ROBO2: variants seen among roughly 807,000 people sequenced by gnomAD.
ROBO2 encodes the protein roundabout homolog 2.
Under a neutral mutation model 160.8 loss-of-function variants are expected in ROBO2, and 53 were observed. The ratio of observed to expected loss-of-function variants is 0.33; its 90% CI spans 0.26 to 0.41. ROBO2 has a LOEUF of 0.41. Among genes scored for constraint, ROBO2 ranks in the 10% least tolerant of loss-of-function variants. The probability of loss-of-function intolerance (pLI) is 1.00; values close to 1 mark genes in which losing one functional copy is unlikely to be tolerated. For synonymous variants in ROBO2, 664 were observed against 611.7 expected, an observed-to-expected ratio of 1.09 and a Z score of -1.26; for missense variants, 1,577 against 1,722.4, an observed-to-expected ratio of 0.92 and a Z score of 1.49.
In ROBO2 at chr3:77,137,639, T is replaced by G. The variant is rs184098072; in HGVS notation, c.388+39299T>G. On this transcript the variant is annotated intron_variant, in intron 2 of 25. Transcript: ENST00000461745. The stretch of plus-strand genomic sequence containing the variant: ...AAAAGTTGTTAAAACTCTGGCTGTA[T>G]CCCCACTGATTTCGAGGGACATCCT... Among the ~76,000 whole-genome samples, 589 of 152,328 alleles carry G rather than the reference T, an allele frequency of 3.9e-3. 1 individual carries two copies. Among genetic ancestry groups the G allele is most frequent in the Non-Finnish European group, 5.7e-3 (385 of 68,028 alleles).
chr3:77,506,922 T>C (rs2088620781), intron 5 of ROBO2, among the ~76,000 whole-genome samples: 2 of 152,156 alleles, frequency 1.3e-5, no homozygotes, highest in Non-Finnish European at 2.9e-5. Context: ...TGGTTTGATA[T>C]AGGCATGTCA....
At chr3:76,123,004 C>A (rs2070816520) in intron 2 of ROBO2, among the ~76,000 whole-genome samples, 1 of 152,108 alleles carries the variant, frequency 6.6e-6, no homozygotes, top group South Asian at 2.1e-4. Flanking sequence ...ACCTCGGCCT[C>A]CCAAAGTGTT....
chr3:76,093,847 A>T (rs1278496870), intron 2 of ROBO2, among the ~76,000 whole-genome samples: 1 of 152,192 alleles, frequency 6.6e-6, no homozygotes, highest in Admixed American at 6.6e-5. Context: ...CTTCTGTGTT[A>T]TCAACTTTTA....
chr3:76,552,199 A>T (rs1397963991), intron 2 of ROBO2, among the ~76,000 whole-genome samples: 1 of 152,240 alleles, frequency 6.6e-6, no homozygotes, highest in Non-Finnish European at 1.5e-5. Flanking sequence ...ATACAGGAGG[A>T]TACACATAGG....
At chr3:76,880,181 A>C (rs943652304) in intron 2 of ROBO2, among the ~76,000 whole-genome samples, 1 of 152,084 alleles carries the variant, frequency 6.6e-6, no homozygotes. Context: ...TTCCCGGTTT[A>C]TCATTTTTCC....
At chr3:76,844,090 C>G (rs889974901) in intron 2 of ROBO2, among the ~76,000 whole-genome samples, 1 of 151,912 alleles carries the variant, frequency 6.6e-6, no homozygotes, top group Non-Finnish European at 1.5e-5. Context: ...TGCTAAGGGA[C>G]GTTGGCATCT....
At chr3:76,119,877 C>T (rs1313538136) in intron 2 of ROBO2, among the ~76,000 whole-genome samples, 2 of 141,496 alleles carry the variant, frequency 1.4e-5, no homozygotes, top group Non-Finnish European at 3.0e-5. Flanking sequence ...CCCTTCCTTC[C>T]CTTCCTTCCC....
intron 2 of ROBO2, among the ~76,000 whole-genome samples, chr3:76,704,380 A>G (rs1305310149): frequency 1.3e-4 from 20 of 152,018 alleles, no homozygotes; most frequent in Non-Finnish European, 2.6e-4. Flanking sequence ...TTGTTGATCA[A>G]TTTCTTCTAT....
chr3:77,301,881 T>C, intron 2 of ROBO2, among the ~76,000 whole-genome samples: 1 of 133,760 alleles, frequency 7.5e-6, no homozygotes, highest in East Asian at 2.0e-4. Flanking sequence ...TTCAATTTCC[T>C]TTTTTTTTTT....
At chr3:77,622,645 C>A (rs923149301) in intron 23 of ROBO2, among the ~76,000 whole-genome samples, 6 of 152,100 alleles carry the variant, frequency 3.9e-5, no homozygotes, top group Admixed American at 3.9e-4. Flanking sequence ...TTTTAAAAAG[C>A]TTTAAAGACA....
rs545359188 is a variant in ROBO2, at chr3:77,311,534, G to A, written c.389-165880G>A. Among the ~76,000 whole-genome samples, 3 of 152,258 alleles carry A rather than the reference G, an allele frequency of 2.0e-5. No individual in the cohort carries two copies. In the South Asian group the frequency reaches 6.2e-4, roughly 32 times the overall value. On this transcript the variant is annotated intron_variant, in intron 2 of 25. Transcript: ENST00000461745. ...AGAATGTAATTGCTGAAAATGTTTT[G>A]AAACCACTGGGTCAGTGATTAAGAA... is the stretch of plus-strand genomic sequence containing the variant.
intron 1 of ROBO2, among the ~76,000 whole-genome samples, chr3:77,046,436 G>C (rs189936826): frequency 1.3e-5 from 2 of 152,116 alleles, no homozygotes; most frequent in Non-Finnish European, 2.9e-5. Flanking sequence ...AGTTGAACTT[G>C]TCACTTTTAG....
intron 2 of ROBO2, among the ~76,000 whole-genome samples, chr3:76,310,009 T>TG (rs1056947810): frequency 1.4e-5 from 2 of 148,024 alleles, no homozygotes; most frequent in Non-Finnish European, 3.0e-5. Flanking sequence ...TTTGTAGAGG[T>TG]GGGGGTCTCA....
chr3:76,752,349 T>TCC (rs2060718646), intron 2 of ROBO2, among the ~76,000 whole-genome samples: 3 of 151,088 alleles, frequency 2.0e-5, no homozygotes, highest in Non-Finnish European at 4.4e-5. Flanking sequence ...AATGACGAGT[T>TCC]AGTGGGTGCA....
intron 2 of ROBO2, among the ~76,000 whole-genome samples, chr3:76,656,937 C>A (rs1382384765): frequency 6.6e-6 from 1 of 152,036 alleles, no homozygotes; most frequent in Non-Finnish European, 1.5e-5. Flanking sequence ...TAGTCTTTAA[C>A]TGGCTCTCTA....
At position 76,561,096 on chromosome 3, in the gene ROBO2, C is replaced by T. The variant is rs545706464; in HGVS notation, c.110-536918C>T. ...TATTCACCATTATAGCTCACTGTTT[C>T]CATGGAATAGCCTGAAAAAATATAT... On this transcript the variant is annotated intron_variant, in intron 2 of 26. Coordinates refer to the ROBO2 transcript ENST00000487694. Among the ~76,000 whole-genome samples the T allele has an allele frequency of 2.6e-5, 4 of 151,344 alleles. No homozygotes were observed. In the South Asian group the frequency reaches 8.4e-4, roughly 32 times the overall value.
In ROBO2 at chr3:75,910,876, C is replaced by T. The variant is rs1386013811; in HGVS notation, c.-14+3916C>T. On this transcript the variant is annotated intron_variant, in intron 1 of 26. Coordinates refer to the ROBO2 transcript ENST00000487694. ...TGTCATAAGTAAGTGATGGATTATTCGGACTTGTTGAACTATGTTTTTAAA... is the reference window on the plus strand; with the variant it reads ...TGTCATAAGTAAGTGATGGATTATTTGGACTTGTTGAACTATGTTTTTAAA... 3.3e-5 allele frequency among the ~76,000 whole-genome samples: 5 copies of T among 151,738 alleles called. No individual in the cohort carries two copies. In the East Asian group the frequency reaches 5.8e-4, roughly 18 times the overall value.
At chr3:76,068,507 A>G (rs1359023066) in intron 2 of ROBO2, among the ~76,000 whole-genome samples, 8 of 152,172 alleles carry the variant, frequency 5.3e-5, no homozygotes, top group Non-Finnish European at 1.2e-4. Context: ...GCCAGACCCT[A>G]TCGCCTCTCA....
chr3:76,357,536 G>A (rs1414121013), intron 2 of ROBO2, among the ~76,000 whole-genome samples: 1 of 151,956 alleles, frequency 6.6e-6, no homozygotes, highest in Non-Finnish European at 1.5e-5. Flanking sequence ...TCCTTTGTGG[G>A]TTGGGGTTGG....
Sources: gnomAD v4.1 joint callset for allele counts (sites outside exome capture counted in the v4.1 genomes callset) on GRCh38, gnomAD v4.1.1 for gene constraint, MANE v1.5 for transcripts, NCBI Gene and HGNC (gene_info 2026-07-23, HGNC 2026-07-21) for gene names.